Variants in CLEC16A observed in about 807,000 individuals in gnomAD.
CLEC16A encodes protein CLEC16A.
In CLEC16A, 51 loss-of-function variants were observed where a neutral mutation model predicts 109.5. The ratio of observed to expected loss-of-function variants is 0.47; its 90% CI spans 0.37 to 0.59. The LOEUF (loss-of-function observed/expected upper bound fraction) is 0.59. Ranked by LOEUF, CLEC16A falls within the 20% of genes least tolerant of loss-of-function variation. The pLI is 0.00. For synonymous variants in CLEC16A, 673 were observed against 564.2 expected (o/e 1.19, Z -2.73); for missense variants, 1,339 against 1,394.0 (o/e 0.96, Z 0.63).
At chr16:10,992,263 C>T (rs2044064740) in intron 10 of CLEC16A, among the ~76,000 whole-genome samples, 1 of 150,178 alleles carries the variant, frequency 6.7e-6, no homozygotes, top group Non-Finnish European at 1.5e-5. Context: ...ACCCTCTCCC[C>T]ATCTTCCCCA....
chr16:11,105,062 C>T (rs2051136633), intron 19 of CLEC16A, among the ~76,000 whole-genome samples: 1 of 152,170 alleles, frequency 6.6e-6, no homozygotes, highest in Admixed American at 6.5e-5. Context: ...TCAAGTATTC[C>T]ATTTGGCTGC....
chr16:11,096,072 G>A (rs1251543279), intron 19 of CLEC16A, among the ~76,000 whole-genome samples: 2 of 152,016 alleles, frequency 1.3e-5, no homozygotes, highest in Non-Finnish European at 1.5e-5. Context: ...CATGGCTCAC[G>A]CATGTAATCC....
At chr16:11,153,203 G>A (rs35903630) in intron 22 of CLEC16A, among the ~76,000 whole-genome samples, 1 of 152,068 alleles carries the variant, frequency 6.6e-6, no homozygotes, top group Non-Finnish European at 1.5e-5. Context: ...TCTGTAAAAC[G>A]GAGCCTTCCT....
At chr16:11,075,401 T>C (rs1399315312) in intron 19 of CLEC16A, among the ~76,000 whole-genome samples, 1 of 129,916 alleles carries the variant, frequency 7.7e-6, no homozygotes, top group Non-Finnish European at 1.6e-5. Flanking sequence ...TGTGTGTGTG[T>C]GTGTGTGTGT....
chr16:11,006,110 C>T (rs978210224), intron 11 of CLEC16A, among the ~76,000 whole-genome samples: 7 of 152,154 alleles, frequency 4.6e-5, no homozygotes, highest in Non-Finnish European at 1.5e-5. Context: ...GCGCTCACAT[C>T]GTCCCAGCTT....
intron 14 of CLEC16A, chr16:11,041,812 C>T (rs2152854023): frequency 6.4e-6 from 1 of 156,234 alleles, no homozygotes; most frequent in African/African-American, 2.4e-5. Flanking sequence ...CTGGTTCTTA[C>T]CTAGTCACTG....
chr16:11,159,202 C>G (rs969279941), intron 22 of CLEC16A, among the ~76,000 whole-genome samples: 1 of 152,240 alleles, frequency 6.6e-6, no homozygotes, highest in African/African-American at 2.4e-5. Context: ...TTGCCCCAGT[C>G]TCTACCAGGC....
chr16:11,049,293 A>G (rs1315529758), intron 17 of CLEC16A, among the ~76,000 whole-genome samples: 2 of 151,738 alleles, frequency 1.3e-5, no homozygotes, highest in African/African-American at 2.4e-5. Flanking sequence ...GGCGTGAGCC[A>G]CCGCACCTGG....
chr16:11,071,881 T>C (rs2049094347), intron 19 of CLEC16A, among the ~76,000 whole-genome samples: 1 of 150,488 alleles, frequency 6.6e-6, no homozygotes, highest in South Asian at 2.1e-4. Context: ...GCAGAACCCC[T>C]GGCCTGGCTA....
intron 22 of CLEC16A, among the ~76,000 whole-genome samples, chr16:11,141,286 C>T (rs1299059230): frequency 1.3e-5 from 2 of 152,266 alleles, no homozygotes; most frequent in Non-Finnish European, 2.9e-5. Flanking sequence ...CCATCTCTGG[C>T]ATGGTTCCTT....
At chr16:10,988,436 C>G (rs1241882730) in intron 10 of CLEC16A, among the ~76,000 whole-genome samples, 1 of 152,162 alleles carries the variant, frequency 6.6e-6, no homozygotes, top group African/African-American at 2.4e-5. Context: ...CTCGGAGATG[C>G]CTGTGCCACC....
intron 12 of CLEC16A, 109 bp downstream of exon 12, chr16:11,020,434 A>T: frequency 7.5e-7 from 1 of 1,328,950 alleles, no homozygotes; most frequent in East Asian, 2.7e-5. Context: ...CAGCCCGACC[A>T]TGCTGCCTCC....
intron 16 of CLEC16A, among the ~76,000 whole-genome samples, chr16:11,046,059 C>G (rs919663297): frequency 4.6e-5 from 7 of 152,088 alleles, no homozygotes; most frequent in African/African-American, 1.7e-4. Flanking sequence ...GAGGATACAC[C>G]CTCACTAGCA....
At chr16:10,966,530 T>G (rs1314930338) in intron 3 of CLEC16A, among the ~76,000 whole-genome samples, 1 of 152,218 alleles carries the variant, frequency 6.6e-6, no homozygotes, top group Admixed American at 6.5e-5. Context: ...CTTAGGGTTA[T>G]GTATCTATGT....
intron 19 of CLEC16A, among the ~76,000 whole-genome samples, chr16:11,097,878 G>A (rs534142713): frequency 6.6e-6 from 1 of 152,366 alleles, no homozygotes; most frequent in East Asian, 1.9e-4. Flanking sequence ...ACCAACTTCA[G>A]TGTTGGCTCA....
intron 22 of CLEC16A, chr16:11,126,655 T>C: frequency 4.9e-6 from 1 of 204,346 alleles, no homozygotes; most frequent in Non-Finnish European, 9.8e-6. Context: ...CCTCCGCTCC[T>C]CCCAAAACAG....
At chr16:10,976,152 C>T (rs2043021208) in intron 7 of CLEC16A, among the ~76,000 whole-genome samples, 1 of 152,112 alleles carries the variant, frequency 6.6e-6, no homozygotes, top group African/African-American at 2.4e-5. Flanking sequence ...TGCCTGTAAT[C>T]TGAGATGCTT....
chr16:11,051,606 C>T lies in CLEC16A; in HGVS notation c.1960C>T (p.Arg654Trp), dbSNP rs1328521563. Residue 654 changes from arginine (R) to tryptophan (W), a missense_variant, in exon 18 of 24, where the codon CGG becomes TGG. Arg to Trp is a moderately radical substitution (Grantham distance 101). Transcript: ENST00000409790. ...TPLTGIDFVK[R>W]LPCGDVEKTR... ...ACTGACGGGCATTGACTTCGTGAAGCGGCTGCCGTGTGGCGATGTGGAGAA... is the reference window on the plus strand; with the variant it reads ...ACTGACGGGCATTGACTTCGTGAAGTGGCTGCCGTGTGGCGATGTGGAGAA... The T allele has an allele frequency of 1.9e-6, 3 of 1,614,038 alleles. No individual in the cohort carries two copies. Among genetic ancestry groups the T allele is most frequent in the Admixed American group, 1.7e-5 (1 of 60,032 alleles).
At chr16:11,024,798 T>C (rs369388530) in intron 12 of CLEC16A, 23 bp from the exon 13 acceptor site, 2 of 1,561,516 alleles carry the variant, frequency 1.3e-6, no homozygotes, top group Admixed American at 1.9e-5. Context: ...GTGAGGCTCA[T>C]ACATGCCCCT....
Sources: gnomAD v4.1 joint callset for allele counts (sites outside exome capture counted in the v4.1 genomes callset) on GRCh38, gnomAD v4.1.1 for gene constraint, MANE v1.5 for transcripts, NCBI Gene and HGNC (gene_info 2026-07-23, HGNC 2026-07-21) for gene names.